Variants in CCDC102B observed in about 807,000 individuals in gnomAD.
The protein encoded by CCDC102B is coiled-coil domain containing 102B.
A neutral mutation model predicts 57.4 loss-of-function variants in CCDC102B; 75 were observed. The ratio of observed to expected loss-of-function variants is 1.31; its 90% CI spans 1.08 to 1.58. The LOEUF is 1.58. Among genes scored for constraint, CCDC102B ranks in the 40% most tolerant of loss-of-function variants. The pLI is 0.00. For synonymous variants in CCDC102B, 206 were observed against 201.9 expected, an observed-to-expected ratio of 1.02 and a Z score of -0.17; for missense variants, 636 against 582.6, an observed-to-expected ratio of 1.09 and a Z score of -0.94.
chr18:68,884,108 G>T (rs150440218), intron 5 of CCDC102B, among the ~76,000 whole-genome samples: 1 of 151,986 alleles, frequency 6.6e-6, no homozygotes, highest in African/African-American at 2.4e-5. Flanking sequence ...CAATACCAAG[G>T]TTTCTAAGTA....
intron 4 of CCDC102B, among the ~76,000 whole-genome samples, chr18:68,870,818 CTATT>C (rs1424192423): frequency 6.6e-6 from 1 of 152,146 alleles, no homozygotes; most frequent in African/African-American, 2.4e-5. Flanking sequence ...TCTGCATTAA[CTATT>C]TAATCCTTTT....
intron 2 of CCDC102B, among the ~76,000 whole-genome samples, chr18:68,785,177 A>G (rs1599456494): frequency 6.6e-6 from 1 of 151,836 alleles, no homozygotes; most frequent in Non-Finnish European, 1.5e-5. Flanking sequence ...TTATGGCTGC[A>G]TAGTATTCCA....
intron 6 of CCDC102B, among the ~76,000 whole-genome samples, chr18:69,004,438 T>A (rs655867): frequency 0.97 from 148,186 of 152,190 alleles, 72,249 homozygotes; most frequent in East Asian, 1. Flanking sequence ...ACCAGGAAGT[T>A]GGTGTGGACT....
At chr18:68,724,781 T>A (rs1195898642) in intron 2 of CCDC102B, among the ~76,000 whole-genome samples, 1 of 152,222 alleles carries the variant, frequency 6.6e-6, no homozygotes, top group African/African-American at 2.4e-5. Context: ...TTTTCCTGTC[T>A]TCTTTTGTGT....
intron 6 of CCDC102B, among the ~76,000 whole-genome samples, chr18:68,971,976 G>A (rs2050312331): frequency 6.6e-6 from 1 of 152,020 alleles, no homozygotes; most frequent in African/African-American, 2.4e-5. Flanking sequence ...TTTGACTCCT[G>A]TAAATACACC....
At chr18:68,968,335 A>G (rs947703728) in intron 6 of CCDC102B, among the ~76,000 whole-genome samples, 2 of 152,158 alleles carry the variant, frequency 1.3e-5, no homozygotes, top group African/African-American at 4.8e-5. Context: ...GCAGCTCTGA[A>G]ATCCCCTTAT....
chr18:68,733,265 G>A (rs1319944643), intron 2 of CCDC102B, among the ~76,000 whole-genome samples: 1 of 151,966 alleles, frequency 6.6e-6, no homozygotes, highest in Non-Finnish European at 1.5e-5. Flanking sequence ...AAAAACTACT[G>A]TTGTTTACTA....
chr18:68,897,328 A>C lies in CCDC102B; in HGVS notation c.1163A>C (p.Lys388Thr), dbSNP rs1250254732. 7 of 1,613,110 alleles carry C rather than the reference A, an allele frequency of 4.3e-6. No homozygotes were observed. Among genetic ancestry groups the C allele is most frequent in the African/African-American group, 2.7e-5 (2 of 74,870 alleles). ...AATAGAAGGCTGAAGATCCAGGTGA[A>C]AGAAATGGAAGAGCTTTTGGATAAG... ...RENRRLKIQV[K>T]EMEELLDKKN... is the part of the protein sequence containing the mutation. Residue 388 changes from lysine (K) to threonine (T), a missense_variant, in exon 6 of 8, where the codon AAA (lysine) becomes ACA (threonine). By Grantham distance (78) the Lys-to-Thr change is moderately conservative. Coordinates refer to ENST00000360242, the MANE Select transcript of CCDC102B (RefSeq NM_024781.3).
intron 6 of CCDC102B, among the ~76,000 whole-genome samples, chr18:68,904,442 G>T (rs1468924817): frequency 6.6e-6 from 1 of 152,180 alleles, no homozygotes; most frequent in Non-Finnish European, 1.5e-5. Context: ...ATACATCCAT[G>T]ATTTTGTGTA....
chr18:68,810,660 AATTTT>A (rs1390949632), intron 1 of CCDC102B, among the ~76,000 whole-genome samples: 71 of 127,960 alleles, frequency 5.5e-4, no homozygotes, highest in African/African-American at 2.2e-3. Context: ...GGTTTTGAAA[AATTTT>A]CTTTTCTTTT....
chr18:68,890,868 T>A (rs2040050083), intron 5 of CCDC102B, among the ~76,000 whole-genome samples: 1 of 152,220 alleles, frequency 6.6e-6, no homozygotes, highest in East Asian at 1.9e-4. Context: ...AACATTTGTT[T>A]CATTTTTTTC....
chr18:68,939,496 G>A (rs2049324526), intron 6 of CCDC102B, among the ~76,000 whole-genome samples: 1 of 151,434 alleles, frequency 6.6e-6, no homozygotes, highest in Non-Finnish European at 1.5e-5. Flanking sequence ...TAAAAGTCAA[G>A]TGTTATTTAT....
rs968844502 is a variant in CCDC102B, at chr18:68,897,500, C to A, written c.1263+72C>A. The A allele has an allele frequency of 2.6e-6, 4 of 1,556,702 alleles. No homozygotes were observed. In the African/African-American group the frequency reaches 5.4e-5, roughly 21 times the overall value. The stretch of plus-strand genomic sequence containing the variant: ...GATGCCTACGCAGAGTCTGTCTTCA[C>A]TCGTACACGCCTCCACATTTGGATA... On this transcript the variant is annotated intron_variant, in intron 6 of 7. Transcript: ENST00000360242.
At chr18:68,897,496 T>C in intron 6 of CCDC102B, 68 bp downstream of exon 6, 3 of 1,570,018 alleles carry the variant, frequency 1.9e-6, no homozygotes, top group Non-Finnish European at 2.6e-6. Flanking sequence ...AGAGTCTGTC[T>C]TCACTCGTAC....
At chr18:68,743,034 G>A (rs2033458167) in intron 2 of CCDC102B, among the ~76,000 whole-genome samples, 1 of 151,882 alleles carries the variant, frequency 6.6e-6, no homozygotes, top group Non-Finnish European at 1.5e-5. Context: ...TGGCATAATG[G>A]GTTAGACATC....
intron 6 of CCDC102B, among the ~76,000 whole-genome samples, chr18:68,929,794 T>TAAAC (rs1179892903): frequency 6.6e-6 from 1 of 151,760 alleles, no homozygotes; most frequent in Non-Finnish European, 1.5e-5. Flanking sequence ...CTATAAGAAG[T>TAAAC]AAACAAATTA....
intron 1 of CCDC102B, among the ~76,000 whole-genome samples, chr18:68,808,720 C>T (rs769813410): frequency 2.0e-4 from 30 of 151,998 alleles, no homozygotes; most frequent in Non-Finnish European, 3.1e-4. Context: ...CCTCTTGATC[C>T]GCCCACCTTG....
intron 6 of CCDC102B, among the ~76,000 whole-genome samples, chr18:68,980,064 T>G (rs1317512014): frequency 2.0e-5 from 3 of 151,890 alleles, no homozygotes; most frequent in Non-Finnish European, 4.4e-5. Context: ...AATGTGACAC[T>G]TCAGAGTGTC....
At chr18:68,883,503 CAT>C (rs2039766713) in intron 5 of CCDC102B, among the ~76,000 whole-genome samples, 1 of 152,142 alleles carries the variant, frequency 6.6e-6, no homozygotes, top group Non-Finnish European at 1.5e-5. Flanking sequence ...TGGTTAAAAT[CAT>C]ATGTACGATT....
Sources: allele counts gnomAD v4.1 joint callset (sites outside exome capture counted in the v4.1 genomes callset), GRCh38; gene constraint gnomAD v4.1.1; transcripts MANE v1.5; gene names NCBI Gene and HGNC (gene_info 2026-07-23, HGNC 2026-07-21).